The following TMEM40 variants were observed in gnomAD, a reference collection of about 807,000 sequenced individuals.
TMEM40 encodes transmembrane protein 40.
TMEM40 carries 34 observed loss-of-function variants against 40.8 expected under a neutral mutation model. The ratio of observed to expected loss-of-function variants is 0.83; its 90% CI spans 0.63 to 1.11. TMEM40 has a LOEUF of 1.11. Ranked by LOEUF, TMEM40 falls within the 50% of genes least tolerant of loss-of-function variation. The pLI, the probability that TMEM40 is intolerant of heterozygous loss-of-function variation, is 0.00. For synonymous variants in TMEM40, 106 were observed against 107.0 expected, an observed-to-expected ratio of 0.99 and a Z score of 0.06; for missense variants, 296 against 280.2, an observed-to-expected ratio of 1.06 and a Z score of -0.40.
intron 1 of TMEM40, among the ~76,000 whole-genome samples, chr3:12,766,643 G>A (rs2061596108): frequency 6.6e-6 from 1 of 151,278 alleles, no homozygotes; most frequent in Admixed American, 6.6e-5. Context: ...GTAACCTTTT[G>A]TCAGCTATGT....
At chr3:12,751,104 C>T (rs73812892) in intron 1 of TMEM40, among the ~76,000 whole-genome samples, 12,016 of 151,690 alleles carry the variant, frequency 0.079, 613 homozygotes, top group African/African-American at 0.15. Context: ...ATCTGTAAAA[C>T]GGAGACAGTA....
chr3:12,748,118 C>T (rs1317350740), intron 3 of TMEM40, among the ~76,000 whole-genome samples: 2 of 152,128 alleles, frequency 1.3e-5, no homozygotes, highest in African/African-American at 4.8e-5. Flanking sequence ...TTAATATGTG[C>T]TACATGCTAA....
At chr3:12,741,690 T>A (rs2061382982) in intron 5 of TMEM40, among the ~76,000 whole-genome samples, 1 of 151,716 alleles carries the variant, frequency 6.6e-6, no homozygotes, top group South Asian at 2.1e-4. Flanking sequence ...TCTTATTTTA[T>A]ACCCAGTGAA....
rs773169718 is a variant in TMEM40, at chr3:12,738,131, T to C, written c.424+5A>G. The C allele has an allele frequency of 1.9e-6, 3 of 1,613,830 alleles. No individual in the cohort carries two copies. The South Asian group carries it at 3.3e-5, about 18-fold the overall frequency. ...TGGCTCTCCTATTTGAGCTTGTGTA[T>C]TTACCACTTGCTGGGTCAGAGCCTC... On this transcript the variant is annotated splice_donor_5th_base_variant and intron_variant, in intron 7 of 11. Coordinates refer to ENST00000314124, the MANE Select transcript of TMEM40 (RefSeq NM_018306.4).
At chr3:12,751,179 G>T (rs909547361) in intron 1 of TMEM40, among the ~76,000 whole-genome samples, 1 of 150,870 alleles carries the variant, frequency 6.6e-6, no homozygotes, top group Non-Finnish European at 1.5e-5. Flanking sequence ...TTGTGAATGC[G>T]TGTTTCCTTC....
intron 1 of TMEM40, among the ~76,000 whole-genome samples, chr3:12,750,286 T>C (rs2061464716): frequency 6.6e-6 from 1 of 152,010 alleles, no homozygotes; most frequent in Non-Finnish European, 1.5e-5. Flanking sequence ...GGTACAATTT[T>C]GACAGGAATG....
upstream of TMEM40, among the ~76,000 whole-genome samples, chr3:12,761,442 T>C (rs1431813995): frequency 6.6e-6 from 1 of 151,938 alleles, no homozygotes; most frequent in South Asian, 2.1e-4. Flanking sequence ...CCATCTCTAC[T>C]GAAAATACAA....
At position 12,736,585 on chromosome 3, in the gene TMEM40, G is replaced by A. The variant is rs1019610401; in HGVS notation, c.612C>T (p.Phe204=). ...GCTGGGGGAGGGGCTTACCTAGTCC[G>A]AAGTAGATGCCAACGGTTTCCAGGG... ...FASLETVGIY[F]GLVYRIHSVL... The change falls in exon 10 of 12, where the codon TTC becomes TTT. Residue 204 remains phenylalanine, a synonymous_variant. Transcript: ENST00000314124. 2.2e-5 allele frequency: 34 copies of A among 1,555,496 alleles called. No homozygotes were observed. The highest frequency in any genetic ancestry group is 1.7e-4 in the Middle Eastern group (1 of 6,012).
chr3:12,735,861 T>A (rs184590701), intron 10 of TMEM40, among the ~76,000 whole-genome samples: 1 of 152,334 alleles, frequency 6.6e-6, no homozygotes, highest in African/African-American at 2.4e-5. Flanking sequence ...CTAACTTGTT[T>A]TCAGTATCTG....
chr3:12,752,782 G>A (rs528910182), intron 1 of TMEM40, among the ~76,000 whole-genome samples: 3 of 151,644 alleles, frequency 2.0e-5, no homozygotes, highest in Admixed American at 6.6e-5. Context: ...CAGCCTGGGC[G>A]ACAGGGCAAG....
intron 5 of TMEM40, among the ~76,000 whole-genome samples, chr3:12,739,767 T>C (rs959076748): frequency 6.6e-6 from 1 of 151,898 alleles, no homozygotes; most frequent in Non-Finnish European, 1.5e-5. Flanking sequence ...AATATTCAAA[T>C]GTGAAAAAAA....
intron 11 of TMEM40, among the ~76,000 whole-genome samples, chr3:12,735,225 C>T (rs1435223520): frequency 6.6e-6 from 1 of 152,196 alleles, no homozygotes; most frequent in East Asian, 1.9e-4. Flanking sequence ...GAGAAGACAG[C>T]GTTTGGGGAA....
chr3:12,744,589 C>G (rs938552061), intron 3 of TMEM40, among the ~76,000 whole-genome samples: 1 of 152,220 alleles, frequency 6.6e-6, no homozygotes, highest in Non-Finnish European at 1.5e-5. Flanking sequence ...ATTTCATCTC[C>G]TGAAGGACAT....
chr3:12,751,517 A>G (rs2061476070), intron 1 of TMEM40, among the ~76,000 whole-genome samples: 1 of 151,664 alleles, frequency 6.6e-6, no homozygotes, highest in Admixed American at 6.6e-5. Flanking sequence ...TGACCTTGTG[A>G]TCCGCCCGCC....
At chr3:12,745,635 G>C (rs2061421398) in intron 3 of TMEM40, among the ~76,000 whole-genome samples, 2 of 152,048 alleles carry the variant, frequency 1.3e-5, no homozygotes, top group South Asian at 4.1e-4. Flanking sequence ...TTTTAGTAGA[G>C]ATGGGATTTC....
At chr3:12,751,245 T>C (rs568023946) in intron 1 of TMEM40, among the ~76,000 whole-genome samples, 10 of 143,490 alleles carry the variant, frequency 7.0e-5, no homozygotes, top group African/African-American at 2.7e-4. Flanking sequence ...TCCCTGCTCA[T>C]CCCCCATCTC....
intron 5 of TMEM40, among the ~76,000 whole-genome samples, chr3:12,740,781 C>T (rs921483862): frequency 6.6e-6 from 1 of 151,532 alleles, no homozygotes. Flanking sequence ...TCGCTTGAGC[C>T]CAGGAGGTGG....
chr3:12,738,000 TC>T, intron 7 of TMEM40, 135 bp downstream of exon 7: 1 of 1,185,746 alleles, frequency 8.4e-7, no homozygotes, highest in Non-Finnish European at 1.2e-6. Context: ...AGATCCCCCT[TC>T]TGAATCATAG....
In TMEM40 at chr3:12,736,573, CT is replaced by C; in HGVS notation, c.619+4del. 6.4e-7 allele frequency: 1 copy of C among 1,553,146 alleles called. No individual in the cohort carries two copies. On this transcript the variant is annotated splice_donor_region_variant and intron_variant, in intron 10 of 11. Coordinates refer to ENST00000314124, the MANE Select transcript of TMEM40 (RefSeq NM_018306.4). ...GTGTGTGTCCATGCTGGGGGAGGGG[CT>C]TACCTAGTCCGAAGTAGATGCCAAC...
Sources: gnomAD v4.1 joint callset for allele counts (sites outside exome capture counted in the v4.1 genomes callset) on GRCh38, gnomAD v4.1.1 for gene constraint, MANE v1.5 for transcripts, NCBI Gene and HGNC (gene_info 2026-07-23, HGNC 2026-07-21) for gene names.